The following LMO1 variants were observed in gnomAD, a reference collection of about 807,000 sequenced individuals.
LMO1 encodes LIM domain only 1, also known as rhombotin-1.
In LMO1, 10 loss-of-function variants were observed where a neutral mutation model predicts 18.0. That is an observed-to-expected ratio of 0.55 (90% CI 0.34 to 0.94). The LOEUF is 0.94. Among genes scored for constraint, LMO1 ranks in the 40% least tolerant of loss-of-function variants. The pLI is 0.02. For synonymous variants in LMO1, 77 were observed against 77.9 expected, an observed-to-expected ratio of 0.99 and a Z score of 0.06; for missense variants, 183 against 205.7, an observed-to-expected ratio of 0.89 and a Z score of 0.68.
chr11:8,225,285 A>T (rs1433962530), intron 3 of LMO1, among the ~76,000 whole-genome samples: 2 of 151,810 alleles, frequency 1.3e-5, no homozygotes, highest in Non-Finnish European at 2.9e-5. Context: ...GGGCATCTGT[A>T]ATCCCATCTA....
intron 1 of LMO1, among the ~76,000 whole-genome samples, chr11:8,251,521 C>A (rs917964553): frequency 2.0e-5 from 3 of 152,206 alleles, no homozygotes; most frequent in Non-Finnish European, 2.9e-5. Context: ...ACCTCCTCTG[C>A]GGGTATCATC....
intron 1 of LMO1, among the ~76,000 whole-genome samples, chr11:8,244,098 A>G (rs941997547): frequency 6.6e-6 from 1 of 152,186 alleles, no homozygotes; most frequent in Admixed American, 6.5e-5. Context: ...GTAAGAGACA[A>G]CAGAATACAG....
chr11:8,245,653 C>T (rs7121769), intron 1 of LMO1, among the ~76,000 whole-genome samples: 2,513 of 152,280 alleles, frequency 0.017, 30 homozygotes, highest in Middle Eastern at 0.02. Context: ...GCCTCCCTTC[C>T]GGAAGTTCGG....
chr11:8,252,649 C>T (rs537676206), intron 1 of LMO1, among the ~76,000 whole-genome samples: 5 of 152,368 alleles, frequency 3.3e-5, no homozygotes, highest in African/African-American at 9.6e-5. Context: ...GAGGCCCATA[C>T]GGCATGGCCA....
intron 2 of LMO1, among the ~76,000 whole-genome samples, chr11:8,229,788 A>ATGGC (rs1349646221): frequency 2.6e-5 from 4 of 152,182 alleles, no homozygotes; most frequent in Admixed American, 2.6e-4. Context: ...CTCCTAGGAT[A>ATGGC]TGGCTGCCTG....
chr11:8,244,293 G>A (rs1057374638), intron 1 of LMO1, among the ~76,000 whole-genome samples: 4 of 152,326 alleles, frequency 2.6e-5, no homozygotes, highest in East Asian at 3.9e-4. Flanking sequence ...CATGGGCCTG[G>A]GTAAGGCTCC....
At chr11:8,260,301 C>T (rs1847164202) in intron 1 of LMO1, among the ~76,000 whole-genome samples, 1 of 152,270 alleles carries the variant, frequency 6.6e-6, no homozygotes, top group East Asian at 1.9e-4. Flanking sequence ...CAGCCCAAGC[C>T]GCAGGTGCCA....
intron 1 of LMO1, among the ~76,000 whole-genome samples, chr11:8,244,042 C>T (rs1846844910): frequency 6.6e-6 from 1 of 152,216 alleles, no homozygotes; most frequent in African/African-American, 2.4e-5. Context: ...AACTTTAAGC[C>T]ATACTCCTGA....
At chr11:8,234,742 C>T (rs528475242) in intron 1 of LMO1, among the ~76,000 whole-genome samples, 96 of 152,302 alleles carry the variant, frequency 6.3e-4, no homozygotes, top group African/African-American at 2.3e-3. Flanking sequence ...GCTGGCTCTG[C>T]CCCCTGCAGG....
intron 1 of LMO1, among the ~76,000 whole-genome samples, chr11:8,232,884 A>G (rs1952693436): frequency 6.6e-6 from 1 of 152,148 alleles, no homozygotes; most frequent in African/African-American, 2.4e-5. Context: ...TGGCTCTTGG[A>G]CAGGCTGGTC....
chr11:8,251,649 G>A (rs956857608), intron 1 of LMO1, among the ~76,000 whole-genome samples: 31 of 152,296 alleles, frequency 2.0e-4, no homozygotes, highest in Non-Finnish European at 5.9e-5. Context: ...AGCCCCCGGC[G>A]CTGGTCCAGG....
At chr11:8,261,908 G>T (rs983532930) in intron 1 of LMO1, among the ~76,000 whole-genome samples, 2 of 152,098 alleles carry the variant, frequency 1.3e-5, no homozygotes, top group African/African-American at 2.4e-5. Context: ...AAGCACTGAG[G>T]TTCCCCCCAT....
At chr11:8,247,501 G>A (rs540129989) in intron 1 of LMO1, among the ~76,000 whole-genome samples, 28 of 152,354 alleles carry the variant, frequency 1.8e-4, no homozygotes, top group African/African-American at 5.8e-4. Flanking sequence ...GGGAGCTGGG[G>A]CCACACTGGG....
At chr11:8,254,354 G>A (rs1847054138) in intron 1 of LMO1, among the ~76,000 whole-genome samples, 1 of 152,280 alleles carries the variant, frequency 6.6e-6, no homozygotes, top group Admixed American at 6.5e-5. Flanking sequence ...TAGATCGCTG[G>A]CTTGTATTTA....
chr11:8,236,370 G>A (rs1354847290), intron 1 of LMO1, among the ~76,000 whole-genome samples: 1 of 149,870 alleles, frequency 6.7e-6, no homozygotes, highest in African/African-American at 2.5e-5. Flanking sequence ...TTTGGGGGGA[G>A]GAATTTTTTT....
chr11:8,228,299 C>G (rs1952584859), intron 2 of LMO1, among the ~76,000 whole-genome samples: 1 of 152,242 alleles, frequency 6.6e-6, no homozygotes, highest in Non-Finnish European at 1.5e-5. Flanking sequence ...TTGCTTCTTT[C>G]CTGCACACAG....
chr11:8,243,562 C>T lies in LMO1; in HGVS notation c.26-13058G>A, dbSNP rs555495095. Among the ~76,000 whole-genome samples, 11 of 152,282 alleles carry T rather than the reference C, an allele frequency of 7.2e-5. 1 individual carries two copies. The South Asian group carries it at 1.7e-3, about 23-fold the overall frequency. ...CCGTGTGAGAGTCAGCAGGGTGGGC[C>T]GGCTGCTGGGCAAGCTGGTATGGCC... On this transcript the variant is annotated intron_variant, in intron 1 of 3. Transcript: ENST00000335790.
At chr11:8,263,098 C>CG (rs1031888979) in intron 1 of LMO1, among the ~76,000 whole-genome samples, 2 of 151,552 alleles carry the variant, frequency 1.3e-5, no homozygotes, top group African/African-American at 4.8e-5. Flanking sequence ...GGCCGGGACC[C>CG]GGGGGGCGTG....
At chr11:8,230,778 T>C (rs1417589638) in intron 1 of LMO1, among the ~76,000 whole-genome samples, 1 of 152,208 alleles carries the variant, frequency 6.6e-6, no homozygotes, top group Non-Finnish European at 1.5e-5. Context: ...AGGCCTGGCC[T>C]CCCTGAGTTG....
Sources: allele counts gnomAD v4.1 joint callset (sites outside exome capture counted in the v4.1 genomes callset), GRCh38; gene constraint gnomAD v4.1.1; transcripts MANE v1.5; gene names NCBI Gene and HGNC (gene_info 2026-07-23, HGNC 2026-07-21).